Variants in ARHGEF4 observed in about 807,000 individuals in gnomAD.
The protein encoded by ARHGEF4 is APC-stimulated guanine nucleotide exchange factor 1.
A neutral mutation model predicts 162.0 loss-of-function variants in ARHGEF4; 119 were observed. The observed-to-expected ratio is 0.73, with a 90% CI of 0.63 to 0.86. The LOEUF is 0.86. ARHGEF4 is among the 40% of genes least tolerant of loss of function. ARHGEF4 has a pLI of 0.00. For synonymous variants in ARHGEF4, 1,014 were observed against 979.9 expected, an observed-to-expected ratio of 1.03 and a Z score of -0.65; for missense variants, 2,488 against 2,456.0, an observed-to-expected ratio of 1.01 and a Z score of -0.28.
At chr2:130,953,462 A>T (rs1292074007) in intron 4 of ARHGEF4, among the ~76,000 whole-genome samples, 2 of 152,226 alleles carry the variant, frequency 1.3e-5, no homozygotes, top group Non-Finnish European at 2.9e-5. Flanking sequence ...CCTAGAAGAA[A>T]ACCTAAGCAA....
At chr2:130,856,347 C>T (rs186687676) in intron 1 of ARHGEF4, among the ~76,000 whole-genome samples, 24 of 152,000 alleles carry the variant, frequency 1.6e-4, no homozygotes, top group East Asian at 3.9e-4. Flanking sequence ...AACAAAGACT[C>T]GGAAATGTTG....
chr2:130,844,409 C>T lies in ARHGEF4; in HGVS notation c.39+7417C>T, dbSNP rs182311896. Among the ~76,000 whole-genome samples the T allele has an allele frequency of 2.0e-5, 3 of 152,326 alleles. No homozygotes were observed. The East Asian group carries it at 5.8e-4, about 29-fold the overall frequency. ...GCCTGGTGGGCACAGCCCTGTTGGCCAGATGCAAACCCCGGCAGTAAACCC... is the reference window on the plus strand; with the variant it reads ...GCCTGGTGGGCACAGCCCTGTTGGCTAGATGCAAACCCCGGCAGTAAACCC... On this transcript the variant is annotated intron_variant, in intron 1 of 13. Transcript: ENST00000409359.
intron 1 of ARHGEF4, chr2:130,837,729 G>C (rs187547470): frequency 2.6e-6 from 1 of 387,458 alleles, no homozygotes; most frequent in African/African-American, 2.2e-5. Context: ...CGGTTGCGAC[G>C]CTGGGTGGTG....
At chr2:130,994,398 A>T (rs1687245101) in intron 4 of ARHGEF4, among the ~76,000 whole-genome samples, 1 of 152,208 alleles carries the variant, frequency 6.6e-6, no homozygotes, top group Non-Finnish European at 1.5e-5. Flanking sequence ...TATCTTAGAA[A>T]TTAAATCATG....
chr2:130,962,133 G>A (rs1342751836), intron 4 of ARHGEF4, among the ~76,000 whole-genome samples: 1 of 152,078 alleles, frequency 6.6e-6, no homozygotes, highest in African/African-American at 2.4e-5. Context: ...CAGCTACGTG[G>A]GAGGCTGAGG....
At chr2:130,893,642 GGCAAGAAACTC>G (rs1296177412) in intron 1 of ARHGEF4, among the ~76,000 whole-genome samples, 2 of 152,204 alleles carry the variant, frequency 1.3e-5, no homozygotes, top group African/African-American at 4.8e-5. Context: ...GTGGGAGGCA[GGCAAGAAACTC>G]TTCCCTACTT....
chr2:130,841,409 A>G (rs1241749962), intron 1 of ARHGEF4, among the ~76,000 whole-genome samples: 1 of 149,048 alleles, frequency 6.7e-6, no homozygotes, highest in African/African-American at 2.5e-5. Context: ...TTAATACTAC[A>G]CACATCAGAT....
chr2:130,999,354 T>TC (rs372155667), intron 4 of ARHGEF4, among the ~76,000 whole-genome samples: 98 of 151,828 alleles, frequency 6.5e-4, no homozygotes, highest in African/African-American at 2.2e-3. Flanking sequence ...GACGGGGTTT[T>TC]ACCATGTTAG....
chr2:131,034,512 A>C (rs1457404507), intron 5 of ARHGEF4, among the ~76,000 whole-genome samples: 1 of 152,166 alleles, frequency 6.6e-6, no homozygotes, highest in East Asian at 1.9e-4. Context: ...ACCGGAGTTT[A>C]AATCCTGCCT....
Position 130,916,709 on chromosome 2 carries a change from G to C in ARHGEF4, c.2763G>C (p.Glu921Asp), listed in dbSNP as rs751133799. ...ATAAGACCTTTTCAAACTTTATTGA[G>C]TCAATAGTTCTAGAGAAAGAGAACA... ...LAHKTFSNFI[E>D]SIVLEKENTH... The change falls in exon 2 of 14, where the codon GAG becomes GAC. Residue 921 changes from glutamate (E) to aspartate (D), a missense_variant. This residue lies in a region of ARHGEF4 where 1,642 missense variants were observed against 1,481.5 expected (regional missense o/e 1.11). Transcript: ENST00000409359. 6.4e-7 allele frequency: 1 copy of C among 1,550,684 alleles called. No individual in the cohort carries two copies. The highest frequency in any genetic ancestry group is 1.2e-5 in the South Asian group (1 of 84,066).
chr2:130,860,864 A>G (rs1681977718), intron 1 of ARHGEF4, among the ~76,000 whole-genome samples: 1 of 81,016 alleles, frequency 1.2e-5, no homozygotes, highest in East Asian at 3.6e-4. Flanking sequence ...AGTAATGCAC[A>G]CATACACACA....
At chr2:130,961,952 G>A (rs1322857272) in intron 4 of ARHGEF4, among the ~76,000 whole-genome samples, 1 of 152,052 alleles carries the variant, frequency 6.6e-6, no homozygotes, top group African/African-American at 2.4e-5. Context: ...AAGAAAGACT[G>A]GAAGCAGGCC....
intron 4 of ARHGEF4, among the ~76,000 whole-genome samples, chr2:131,004,188 C>T (rs985222966): frequency 1.2e-4 from 19 of 152,078 alleles, no homozygotes; most frequent in African/African-American, 4.3e-4. Context: ...TTTTTTGAGA[C>T]GGAGTCTCAC....
At chr2:131,034,178 C>T (rs980762314) in intron 5 of ARHGEF4, among the ~76,000 whole-genome samples, 3 of 152,188 alleles carry the variant, frequency 2.0e-5, no homozygotes, top group Admixed American at 1.3e-4. Flanking sequence ...CCTCCCTGCC[C>T]TCCAGGAACT....
chr2:130,987,694 G>C (rs1686615970), intron 4 of ARHGEF4, among the ~76,000 whole-genome samples: 1 of 152,190 alleles, frequency 6.6e-6, no homozygotes, highest in Non-Finnish European at 1.5e-5. Context: ...AGGAAGTCCA[G>C]CTGGCATCAC....
chr2:130,996,050 C>T (rs1416313765), intron 4 of ARHGEF4, among the ~76,000 whole-genome samples: 1 of 152,054 alleles, frequency 6.6e-6, no homozygotes, highest in East Asian at 1.9e-4. Flanking sequence ...CCACCATGCC[C>T]AGCTAATTTT....
chr2:130,992,290 GT>G (rs1687058845), intron 4 of ARHGEF4, among the ~76,000 whole-genome samples: 1 of 152,144 alleles, frequency 6.6e-6, no homozygotes, highest in Non-Finnish European at 1.5e-5. Flanking sequence ...ACCTGCTTGG[GT>G]CCCCTTCCAC....
chr2:130,875,856 GCC>G (rs1678794933), intron 1 of ARHGEF4, among the ~76,000 whole-genome samples: 1 of 152,146 alleles, frequency 6.6e-6, no homozygotes, highest in Non-Finnish European at 1.5e-5. Context: ...CTCCAGTCAT[GCC>G]CACTCTAGTT....
At chr2:130,890,518 C>T (rs1246067201) in intron 1 of ARHGEF4, among the ~76,000 whole-genome samples, 3 of 150,570 alleles carry the variant, frequency 2.0e-5, no homozygotes, top group South Asian at 2.1e-4. Context: ...GCCAAGATCA[C>T]GCAACTGCAC....
Sources: allele counts gnomAD v4.1 joint callset (sites outside exome capture counted in the v4.1 genomes callset), GRCh38; gene constraint gnomAD v4.1.1; regional missense constraint gnomAD v4.1.1; transcripts MANE v1.5; gene names NCBI Gene and HGNC (gene_info 2026-07-23, HGNC 2026-07-21).